TMEM108: variants seen among roughly 807,000 people sequenced by gnomAD.
The protein encoded by TMEM108 is cancer/testis antigen 124.
A neutral mutation model predicts 35.1 loss-of-function variants in TMEM108; 12 were observed. The observed-to-expected ratio is 0.34, with a 90% confidence interval of 0.22 to 0.55. The LOEUF is 0.55. Ranked by LOEUF, TMEM108 falls within the 20% of genes least tolerant of loss-of-function variation. The pLI, the probability that TMEM108 is intolerant of heterozygous loss-of-function variation, is 0.89. For synonymous variants in TMEM108, 287 were observed against 308.6 expected (o/e 0.93, Z 0.73); for missense variants, 680 against 753.3 (o/e 0.90, Z 1.14).
chr3:133,363,785 T>C (rs2072426281), intron 3 of TMEM108, among the ~76,000 whole-genome samples: 1 of 152,214 alleles, frequency 6.6e-6, no homozygotes, highest in Non-Finnish European at 1.5e-5. Flanking sequence ...TTTTAATTTG[T>C]ATAGCAACCA....
At chr3:133,132,494 C>T (rs1014610716) in intron 2 of TMEM108, among the ~76,000 whole-genome samples, 1 of 152,094 alleles carries the variant, frequency 6.6e-6, no homozygotes, top group African/African-American at 2.4e-5. Flanking sequence ...GTTTACTGAA[C>T]GACTTAACCC....
chr3:133,290,023 C>CA (rs1368402172), intron 3 of TMEM108, among the ~76,000 whole-genome samples: 1 of 152,206 alleles, frequency 6.6e-6, no homozygotes, highest in Non-Finnish European at 1.5e-5. Context: ...GTGAACAAGA[C>CA]AGCAGAGTCC....
At chr3:133,305,297 AGGT>A (rs1947286374) in intron 3 of TMEM108, among the ~76,000 whole-genome samples, 1 of 141,968 alleles carries the variant, frequency 7.0e-6, no homozygotes, top group Non-Finnish European at 1.5e-5. Context: ...TCTCACTCAT[AGGT>A]GGGAATTGAA....
At chr3:133,073,281 G>C (rs750554617) in intron 2 of TMEM108, among the ~76,000 whole-genome samples, 1 of 151,136 alleles carries the variant, frequency 6.6e-6, no homozygotes, top group East Asian at 1.9e-4. Flanking sequence ...CCAGTTCCCC[G>C]TTTTCCCAAG....
At chr3:133,095,495 T>C (rs1944001282) in intron 2 of TMEM108, among the ~76,000 whole-genome samples, 1 of 152,164 alleles carries the variant, frequency 6.6e-6, no homozygotes, top group African/African-American at 2.4e-5. Context: ...CTATTATTGT[T>C]ACATTGTAAT....
chr3:133,078,540 T>A (rs1436719343), intron 2 of TMEM108, among the ~76,000 whole-genome samples: 1 of 152,198 alleles, frequency 6.6e-6, no homozygotes, highest in Non-Finnish European at 1.5e-5. Flanking sequence ...TACAAGGCTG[T>A]AACCCTCTGA....
Position 133,380,043 on chromosome 3 carries a change from G to A in TMEM108, c.332G>A (p.Ser111Asn), listed in dbSNP as rs984951285. ...AATVTAPHSE[S>N]SLSTGPAPAA... ...ACAGTAACCGCCCCCCATTCTGAAA[G>A]CTCCCTGTCCACAGGGCCCGCTCCA... The change falls in exon 4 of 6, where the codon AGC becomes AAC. Residue 111 changes from serine to asparagine, a missense_variant. By Grantham distance (46) the Ser-to-Asn change is conservative (BLOSUM62 1). Coordinates refer to ENST00000321871, the MANE Select transcript of TMEM108 (RefSeq NM_023943.4). This position sits in a 1 kb window ranked among gnomAD's most constrained non-coding sequence, Gnocchi z 5.3. 1 of 1,613,694 alleles carries A rather than the reference G, an allele frequency of 6.2e-7. No homozygotes were observed. Among genetic ancestry groups the A allele is most frequent in the East Asian group, 2.2e-5 (1 of 44,850 alleles).
chr3:133,261,393 A>G (rs1204686829), intron 3 of TMEM108, among the ~76,000 whole-genome samples: 1 of 152,142 alleles, frequency 6.6e-6, no homozygotes, highest in East Asian at 1.9e-4. Flanking sequence ...TGGTTTTTCT[A>G]CAGCAGTAAT....
At chr3:133,189,606 A>G (rs1037855212) in intron 2 of TMEM108, among the ~76,000 whole-genome samples, 1 of 152,200 alleles carries the variant, frequency 6.6e-6, no homozygotes, top group Admixed American at 6.5e-5. Context: ...TAATGGAACA[A>G]AGTATCACCA....
chr3:133,127,347 T>C (rs1286119233), intron 2 of TMEM108, among the ~76,000 whole-genome samples: 8 of 152,212 alleles, frequency 5.3e-5, no homozygotes, highest in Admixed American at 5.2e-4. Context: ...GCTGCCATGT[T>C]GGACAGCACA....
intron 2 of TMEM108, among the ~76,000 whole-genome samples, chr3:133,131,725 C>A (rs1944493367): frequency 6.6e-6 from 1 of 151,496 alleles, no homozygotes; most frequent in South Asian, 2.1e-4. Flanking sequence ...AGCCTAAAGG[C>A]CAAAACAAAA....
At chr3:133,100,750 A>T (rs571316250) in intron 2 of TMEM108, among the ~76,000 whole-genome samples, 2 of 152,156 alleles carry the variant, frequency 1.3e-5, no homozygotes, top group South Asian at 4.2e-4. Context: ...CCTGGAAGCA[A>T]TTTTTTTTGT....
intron 2 of TMEM108, among the ~76,000 whole-genome samples, chr3:133,112,437 G>A (rs560195025): frequency 3.9e-5 from 6 of 152,164 alleles, no homozygotes; most frequent in Non-Finnish European, 5.9e-5. Context: ...CTGTGACAAC[G>A]GTTAGCTTCC....
intron 2 of TMEM108, among the ~76,000 whole-genome samples, chr3:133,174,478 A>C (rs1001880374): frequency 1.3e-5 from 2 of 152,120 alleles, no homozygotes; most frequent in African/African-American, 4.8e-5. Flanking sequence ...CTGAGACAAA[A>C]CTTCCAGAGG....
Position 133,073,935 on chromosome 3 carries a change from A to G in TMEM108, c.-47+27915A>G, listed in dbSNP as rs191654499. On this transcript the variant is annotated intron_variant, in intron 2 of 5. Coordinates refer to ENST00000321871, the MANE Select transcript of TMEM108 (RefSeq NM_023943.4). ...TGTAGAATATTTTTTCATATTTGAA[A>G]AATATGGTCATTTGTATGTCTTCTT... 1.7e-3 allele frequency among the ~76,000 whole-genome samples: 259 copies of G among 152,122 alleles called. 2 individuals carry two copies. The highest frequency in any genetic ancestry group is 6.1e-3 in the African/African-American group (254 of 41,488).
chr3:133,383,816 G>A (rs1476226673), intron 4 of TMEM108, among the ~76,000 whole-genome samples: 1 of 152,154 alleles, frequency 6.6e-6, no homozygotes, highest in African/African-American at 2.4e-5. Flanking sequence ...AGTGGACTCT[G>A]GTAGCCCCTT....
intron 2 of TMEM108, among the ~76,000 whole-genome samples, chr3:133,177,885 A>G (rs1442440630): frequency 6.6e-6 from 1 of 151,988 alleles, no homozygotes; most frequent in Non-Finnish European, 1.5e-5. Flanking sequence ...CCCTGTTTGC[A>G]GATGACATGA....
intron 3 of TMEM108, among the ~76,000 whole-genome samples, chr3:133,344,959 T>G (rs2071771782): frequency 6.6e-6 from 1 of 151,832 alleles, no homozygotes. Context: ...CAAAAAGAAG[T>G]TTTTTACTAT....
chr3:133,171,826 G>T (rs866024859), intron 2 of TMEM108, among the ~76,000 whole-genome samples: 3 of 152,242 alleles, frequency 2.0e-5, no homozygotes, highest in South Asian at 4.1e-4. Context: ...ACTCTTAAAT[G>T]AGCCAAGCAT....
Sources: allele counts gnomAD v4.1 joint callset (sites outside exome capture counted in the v4.1 genomes callset), GRCh38; gene constraint gnomAD v4.1.1; non-coding constraint Gnocchi (gnomAD v3.1); transcripts MANE v1.5; gene names NCBI Gene and HGNC (gene_info 2026-07-23, HGNC 2026-07-21).